Variants in ZMYND8 observed in about 807,000 individuals in gnomAD.
The protein encoded by ZMYND8 is MYND-type zinc finger-containing chromatin reader ZMYND8.
A neutral mutation model predicts 140.8 loss-of-function variants in ZMYND8; 37 were observed. The observed-to-expected ratio is 0.26, with a 90% CI of 0.20 to 0.35. The LOEUF is 0.35. Ranked by LOEUF, ZMYND8 falls within the 10% of genes least tolerant of loss-of-function variation. ZMYND8 has a pLI of 1.00. For missense variants in ZMYND8, 1,068 were observed against 1,570.0 expected (o/e 0.68, Z 5.40); for synonymous variants, 592 against 597.1 (o/e 0.99, Z 0.12).
At chr20:47,297,878 T>C (rs959725412) in intron 4 of ZMYND8, among the ~76,000 whole-genome samples, 1 of 152,170 alleles carries the variant, frequency 6.6e-6, no homozygotes, top group Admixed American at 6.5e-5. Flanking sequence ...GTTGGCTTAA[T>C]AAAGGGTGCC....
chr20:47,293,114 G>A (rs1405467206), intron 5 of ZMYND8, among the ~76,000 whole-genome samples: 13 of 9,684 alleles, frequency 1.3e-3, no homozygotes, highest in East Asian at 3.4e-3. Context: ...GAGGAAAGAA[G>A]GAAGGAAGGA....
At chr20:47,301,262 C>A (rs1228311457) in intron 3 of ZMYND8, among the ~76,000 whole-genome samples, 1 of 150,486 alleles carries the variant, frequency 6.6e-6, no homozygotes, top group African/African-American at 2.4e-5. Context: ...TCAAGCGATT[C>A]TCCTGCCTCA....
Position 47,221,409 on chromosome 20 carries a change from C to T in ZMYND8, c.3322G>A (p.Gly1108Arg). The change falls in exon 20 of 23, where the codon GGG becomes AGG. Residue 1108 changes from glycine (G) to arginine (R), a missense_variant. By Grantham distance (125) the Gly-to-Arg change is moderately radical. Coordinates refer to ENST00000471951, the MANE Select transcript of ZMYND8 (RefSeq NM_001281775.3). ...NTETLNKSSQ[G>R]SSSSTQSAPS... ...GCTGATTGTGTGCTCGAGGAGCTCC[C>T]CTGGGAGGACTTATTTAGTGTTTCT... The T allele has an allele frequency of 6.2e-7, 1 of 1,614,180 alleles. No homozygotes were observed. The highest frequency in any genetic ancestry group is 8.5e-7 in the Non-Finnish European group (1 of 1,180,032).
intron 18 of ZMYND8, among the ~76,000 whole-genome samples, chr20:47,224,896 C>G (rs2037467455): frequency 6.8e-6 from 1 of 147,004 alleles, no homozygotes; most frequent in Non-Finnish European, 1.5e-5. Context: ...TCCTATTATT[C>G]ATTAACATAA....
chr20:47,275,711 T>C (rs1210222026), intron 11 of ZMYND8, among the ~76,000 whole-genome samples: 1 of 152,054 alleles, frequency 6.6e-6, no homozygotes, highest in Admixed American at 6.5e-5. Context: ...CCGGCAATCC[T>C]CCCACCTCAA....
At chr20:47,213,902 G>A (rs138596106) in intron 21 of ZMYND8, among the ~76,000 whole-genome samples, 11 of 152,310 alleles carry the variant, frequency 7.2e-5, no homozygotes, top group East Asian at 5.8e-4. Context: ...AGAATGAGCC[G>A]TGTAAACTGG....
At chr20:47,264,690 G>A (rs1448766702) in intron 11 of ZMYND8, among the ~76,000 whole-genome samples, 1 of 152,118 alleles carries the variant, frequency 6.6e-6, no homozygotes, top group Non-Finnish European at 1.5e-5. Context: ...ATTATTACTA[G>A]TCCTATCACT....
At position 47,287,363 on chromosome 20, in the gene ZMYND8, A is replaced by G. The variant is rs181492007; in HGVS notation, c.749-79T>C. On this transcript the variant is annotated intron_variant, in intron 7 of 22. Coordinates refer to ENST00000471951, the MANE Select transcript of ZMYND8 (RefSeq NM_001281775.3). ...CCTGGGGACTTTACTTCCGCTAACA[A>G]TGTGTTTACTTGCTTTTCCCCCAGG... 27 of 1,219,290 alleles carry G rather than the reference A, an allele frequency of 2.2e-5. No individual in the cohort carries two copies. In the African/African-American group the frequency reaches 3.0e-4, roughly 13 times the overall value. The allele number at this position is 1,219,290 out of a possible 1,614,324, so 75.5% of individuals were successfully genotyped here. A position where few individuals can be genotyped will look rare whatever the true frequency, so the allele number is the denominator to read the frequency against.
chr20:47,227,360 G>A, intron 17 of ZMYND8, 79 bp from the exon 18 acceptor site: 1 of 1,342,400 alleles, frequency 7.4e-7, no homozygotes, highest in Non-Finnish European at 1.1e-6. Context: ...AACCACGGCT[G>A]GCTGTGAGGG....
At position 47,220,356 on chromosome 20, in the gene ZMYND8, A is replaced by AGG. The variant is rs749617630; in HGVS notation, c.3418-34_3418-33dup. On this transcript the variant is annotated intron_variant, in intron 20 of 22. Transcript: ENST00000471951. ...ATACAAAAAGAAAAAGATGGACTCA[A>AGG]GGCACTGAGGCTACTGTCGCCCCCA... 10 of 1,520,270 alleles carry AGG rather than the reference A, an allele frequency of 6.6e-6. No individual in the cohort carries two copies. The Admixed American group carries it at 2.0e-4, about 30-fold the overall frequency. The allele number at this position is 1,520,270 out of a possible 1,614,324, so 94.2% of individuals were successfully genotyped here.
At chr20:47,258,950 CG>C (rs898471720) in intron 12 of ZMYND8, among the ~76,000 whole-genome samples, 22 of 151,776 alleles carry the variant, frequency 1.4e-4, no homozygotes, top group East Asian at 3.9e-4. Context: ...TGTCCTGAAC[CG>C]GAAGAGCTGC....
At chr20:47,296,640 G>C (rs371664222) in intron 4 of ZMYND8, among the ~76,000 whole-genome samples, 53 of 152,236 alleles carry the variant, frequency 3.5e-4, no homozygotes, top group African/African-American at 1.3e-3. Context: ...CTTCTATCAG[G>C]AACTAGTGCT....
chr20:47,215,626 A>G (rs1311438186), intron 21 of ZMYND8, among the ~76,000 whole-genome samples: 2 of 151,898 alleles, frequency 1.3e-5, no homozygotes, highest in South Asian at 2.1e-4. Flanking sequence ...CCCCTGACTC[A>G]GCCTCTCCAA....
In ZMYND8 at chr20:47,333,724, C is replaced by CAAAAAA. The variant is rs57968979; in HGVS notation, c.85+14126_85+14131dup. Among the ~76,000 whole-genome samples, 15 of 29,742 alleles carry CAAAAAA rather than the reference C, an allele frequency of 5.0e-4. 1 individual carries two copies. Among genetic ancestry groups the CAAAAAA allele is most frequent in the African/African-American group, 1.1e-3 (10 of 9,080 alleles). The allele number at this position is 29,742 out of a possible 152,430, so 19.5% of individuals were successfully genotyped here. ...CTGGTGACAGAGCGAGACTCCGTCTCAAAAAAAAAAAAAAAAAAAAAAAAA... is the reference window on the plus strand; with the variant it reads ...CTGGTGACAGAGCGAGACTCCGTCTCAAAAAAAAAAAAAAAAAAAAAAAAAAAAAAA... On this transcript the variant is annotated intron_variant, in intron 2 of 22. Transcript: ENST00000471951.
chr20:47,326,185 C>A (rs2080399571), intron 2 of ZMYND8, among the ~76,000 whole-genome samples: 1 of 152,236 alleles, frequency 6.6e-6, no homozygotes, highest in African/African-American at 2.4e-5. Context: ...GTCTTGAACT[C>A]CTGACCTCGT....
intron 21 of ZMYND8, 125 bp downstream of exon 21, chr20:47,220,133 C>T: frequency 1.2e-6 from 1 of 868,706 alleles, no homozygotes; most frequent in Non-Finnish European, 1.8e-6. Flanking sequence ...CCCAGGCACC[C>T]CTAAGGATCC....
At chr20:47,306,608 T>A (rs1347749814) in intron 3 of ZMYND8, among the ~76,000 whole-genome samples, 1 of 149,592 alleles carries the variant, frequency 6.7e-6, no homozygotes, top group African/African-American at 2.5e-5. Flanking sequence ...TCTCACTCTG[T>A]CGCTCAGGCT....
intron 20 of ZMYND8, 41 bp downstream of exon 20, chr20:47,221,273 A>G (rs1354295806): frequency 6.2e-7 from 1 of 1,605,310 alleles, no homozygotes; most frequent in African/African-American, 1.3e-5. Context: ...CTTGGCACAA[A>G]GGGTAGATGT....
intron 8 of ZMYND8, chr20:47,285,944 G>T: frequency 1.6e-6 from 1 of 640,056 alleles, no homozygotes; most frequent in Non-Finnish European, 1.9e-6. Flanking sequence ...TATTCCCAGC[G>T]TCTTTGGAGG....
Sources: gnomAD v4.1 joint callset for allele counts (sites outside exome capture counted in the v4.1 genomes callset) on GRCh38, gnomAD v4.1.1 for gene constraint, MANE v1.5 for transcripts, NCBI Gene and HGNC (gene_info 2026-07-23, HGNC 2026-07-21) for gene names.